Variants in ZNF320 observed in about 807,000 individuals in gnomAD.
The protein encoded by ZNF320 is zinc finger protein 320.
ZNF320 carries 2 observed loss-of-function variants against 6.8 expected under a neutral mutation model. The ratio of observed to expected loss-of-function variants is 0.29; its 90% CI spans 0.12 to 0.93. The LOEUF (loss-of-function observed/expected upper bound fraction) is 0.93. Ranked by LOEUF, ZNF320 falls within the 40% of genes least tolerant of loss-of-function variation. The probability of loss-of-function intolerance (pLI) is 0.55; values close to 1 mark genes in which losing one functional copy is unlikely to be tolerated. For synonymous variants in ZNF320, 208 were observed against 203.2 expected, an observed-to-expected ratio of 1.02 and a Z score of -0.20; for missense variants, 472 against 611.0, an observed-to-expected ratio of 0.77 and a Z score of 2.40.
At chr19:52,869,541 T>G (rs2063641547) in intron 5 of ZNF320, among the ~76,000 whole-genome samples, 1 of 152,012 alleles carries the variant, frequency 6.6e-6, no homozygotes. Flanking sequence ...ATGACAGGTT[T>G]TTTTTCTTTT....
downstream of ZNF320, among the ~76,000 whole-genome samples, chr19:52,860,140 C>A (rs191759971): frequency 6.6e-6 from 1 of 152,126 alleles, no homozygotes; most frequent in African/African-American, 2.4e-5. Context: ...TCTCGATCTC[C>A]TGACCTTGTG....
At chr19:52,898,773 G>A (rs537515389), upstream of ZNF320, among the ~76,000 whole-genome samples, 9 of 152,306 alleles carry the variant, frequency 5.9e-5, no homozygotes, top group African/African-American at 1.7e-4. Context: ...AGAACAGAGC[G>A]GGGAGTTTTA....
chr19:52,890,233 C>G lies in ZNF320; in HGVS notation c.15+8G>C. 6.2e-7 allele frequency: 1 copy of G among 1,607,480 alleles called. No homozygotes were observed. Among genetic ancestry groups the G allele is most frequent in the Non-Finnish European group, 8.5e-7 (1 of 1,179,656 alleles). Reference sequence around the variant, plus strand: ...AGACAGAACAATCCACCGAGAATATCATCTCACCTGAGAAAGAGCCATCCC... The same window carrying G: ...AGACAGAACAATCCACCGAGAATATGATCTCACCTGAGAAAGAGCCATCCC... On this transcript the variant is annotated splice_region_variant and intron_variant, in intron 4 of 5. Transcript: ENST00000682928.
chr19:52,870,129 C>A (rs2063653138), intron 5 of ZNF320, among the ~76,000 whole-genome samples: 1 of 152,132 alleles, frequency 6.6e-6, no homozygotes, highest in African/African-American at 2.4e-5. Context: ...GCATCAGCCA[C>A]CATGCCCAGG....
In ZNF320 at chr19:52,880,334, C is replaced by T. The variant is rs184498327; in HGVS notation, c.*262G>A. 111 of 351,828 alleles carry T rather than the reference C, an allele frequency of 3.2e-4. No individual in the cohort carries two copies. The highest frequency in any genetic ancestry group is 2.3e-3 in the African/African-American group (109 of 47,084). 21.8% of individuals were successfully genotyped at this position (351,828 alleles called of 1,614,324 possible). A position where few individuals can be genotyped will look rare whatever the true frequency, so the allele number is the denominator to read the frequency against. ...CTGCACTCCAACGTGGGCGACAGAG[C>T]AAGATTCCATCTTAAAAATAAATAA... is the stretch of plus-strand genomic sequence containing the variant. On this transcript the variant is annotated 3_prime_UTR_variant, in exon 6 of 6. Coordinates refer to ENST00000682928, the MANE Select transcript of ZNF320 (RefSeq NM_001351774.2).
chr19:52,882,865 C>T (rs766166318), intron 5 of ZNF320, among the ~76,000 whole-genome samples: 7 of 151,674 alleles, frequency 4.6e-5, no homozygotes, highest in Non-Finnish European at 1.0e-4. Flanking sequence ...CACTTGAACT[C>T]GGGAGGCAAA....
chr19:52,897,078 T>C (rs138583886), intron 1 of ZNF320, among the ~76,000 whole-genome samples: 10 of 152,296 alleles, frequency 6.6e-5, no homozygotes, highest in African/African-American at 2.4e-4. Flanking sequence ...CCCTAAAACT[T>C]TCTAAACGGG....
intron 5 of ZNF320, among the ~76,000 whole-genome samples, chr19:52,887,404 G>T (rs2064128680): frequency 6.6e-6 from 1 of 152,202 alleles, no homozygotes; most frequent in Non-Finnish European, 1.5e-5. Flanking sequence ...CTGTAGGAAA[G>T]AAGACATTAC....
rs1401912942 is a variant in ZNF320 at position 52,891,227 on chromosome 19, AC to A, written c.-74+1del. 1 of 152,082 alleles carries A rather than the reference AC, an allele frequency of 6.6e-6. No homozygotes were observed. The highest frequency in any genetic ancestry group is 1.9e-4 in the East Asian group (1 of 5,184). 9.4% of individuals were successfully genotyped at this position (152,082 alleles called of 1,614,324 possible). ...CCAGGTATGGTGGCGGGTGGCACGC[AC>A]CTGTATCTCAGCTACTTGGTAGGCT... On this transcript the variant is annotated splice_donor_variant, in intron 3 of 5. Transcript: ENST00000682928. LOFTEE classifies it low-confidence loss of function (5UTR_SPLICE).
chr19:52,866,869 C>CA (rs58231328), intron 5 of ZNF320, among the ~76,000 whole-genome samples: 272 of 108,890 alleles, frequency 2.5e-3, no homozygotes, highest in East Asian at 4.2e-3. Flanking sequence ...ACAAAACATA[C>CA]AAAAAAAAAA....
chr19:52,897,687 G>A (rs566371832), upstream of ZNF320: 1 of 152,666 alleles, frequency 6.6e-6, no homozygotes, highest in East Asian at 1.9e-4. Context: ...ATCCGCTTCC[G>A]GGTCTATGCC....
intron 5 of ZNF320, among the ~76,000 whole-genome samples, chr19:52,883,944 G>A (rs2063999594): frequency 6.6e-6 from 1 of 152,078 alleles, no homozygotes; most frequent in Admixed American, 6.6e-5. Context: ...TATAAGCTTT[G>A]GTAGATGTGG....
Position 52,880,913 on chromosome 19 carries a change from T to A in ZNF320, c.1213A>T (p.Lys405Ter). 4 of 1,613,486 alleles carry A rather than the reference T, an allele frequency of 2.5e-6. No individual in the cohort carries two copies. The highest frequency in any genetic ancestry group is 3.4e-6 in the Non-Finnish European group (4 of 1,179,484). Residue 405 changes from lysine to a stop codon, truncating the protein, a stop_gained, in exon 6 of 6, where the codon AAA (lysine) becomes TAA (stop). Coordinates refer to ENST00000682928, the MANE Select transcript of ZNF320 (RefSeq NM_001351774.2). LOFTEE classifies it low-confidence loss of function (END_TRUNC). ...TAAAGTTTCTCTCCAGTATGAAGTT[T>A]TTGATGACATGCGAGGTACGCTTTT... is the stretch of plus-strand genomic sequence containing the variant. ...STKAYLACHQ[K>*]LHTGEKLYEC... is the part of the protein sequence containing the mutation.
chr19:52,885,007 C>T (rs2064030967), intron 5 of ZNF320, among the ~76,000 whole-genome samples: 1 of 151,582 alleles, frequency 6.6e-6, no homozygotes, highest in Non-Finnish European at 1.5e-5. Flanking sequence ...ACCATCCCAG[C>T]TAACAAGGTA....
intron 4 of ZNF320, among the ~76,000 whole-genome samples, chr19:52,889,347 G>T (rs1013147566): frequency 6.6e-6 from 1 of 151,888 alleles, no homozygotes; most frequent in Admixed American, 6.6e-5. Flanking sequence ...TTAACTGCCT[G>T]GCCTGGAGGA....
intron 5 of ZNF320, among the ~76,000 whole-genome samples, chr19:52,870,477 C>CAAAAA (rs35010241): frequency 2.2e-5 from 2 of 89,474 alleles, no homozygotes; most frequent in Non-Finnish European, 2.2e-5. Flanking sequence ...GACTCCGTCT[C>CAAAAA]AAAAAAAAAA....
upstream of ZNF320, among the ~76,000 whole-genome samples, chr19:52,898,547 A>T (rs1379983888): frequency 1.3e-5 from 2 of 152,224 alleles, no homozygotes; most frequent in Non-Finnish European, 2.9e-5. Context: ...AGCGGCAGAC[A>T]AAACTTCTCA....
At chr19:52,867,140 C>T (rs1173892505) in intron 5 of ZNF320, among the ~76,000 whole-genome samples, 1 of 151,960 alleles carries the variant, frequency 6.6e-6, no homozygotes, top group Non-Finnish European at 1.5e-5. Context: ...TCTGGATGTT[C>T]ATATTGGCCA....
At chr19:52,874,722 G>T (rs1461505489), downstream of ZNF320, among the ~76,000 whole-genome samples, 7 of 152,124 alleles carry the variant, frequency 4.6e-5, no homozygotes, top group Non-Finnish European at 8.8e-5. Context: ...AGAGGTGGGG[G>T]TGAAGGTGGG....
Sources: gnomAD v4.1 joint callset for allele counts (sites outside exome capture counted in the v4.1 genomes callset) on GRCh38, gnomAD v4.1.1 for gene constraint, MANE v1.5 for transcripts, NCBI Gene and HGNC (gene_info 2026-07-23, HGNC 2026-07-21) for gene names.